The following DYTN variants were observed in gnomAD, a reference collection of about 807,000 sequenced individuals.
The protein encoded by DYTN is dystrotelin.
In DYTN, 75 loss-of-function variants were observed where a neutral mutation model predicts 69.6. That is an observed-to-expected ratio of 1.08 (90% CI 0.89 to 1.31). The LOEUF (loss-of-function observed/expected upper bound fraction) is 1.31. Among genes scored for constraint, DYTN ranks in the 50% most tolerant of loss-of-function variants. The pLI is 0.00. For missense variants in DYTN, 726 were observed against 688.4 expected (o/e 1.05, Z -0.61); for synonymous variants, 252 against 249.1 (o/e 1.01, Z -0.11).
At chr2:206,710,628 A>G in intron 1 of DYTN, 30 bp from the exon 2 acceptor site, 1 of 1,504,212 alleles carries the variant, frequency 6.6e-7, no homozygotes, top group Non-Finnish European at 9.1e-7. Flanking sequence ...TATTATGAAT[A>G]AAGTCTCTCT....
At chr2:206,673,446 C>T (rs1034999535) in intron 9 of DYTN, among the ~76,000 whole-genome samples, 87 of 152,128 alleles carry the variant, frequency 5.7e-4, no homozygotes, top group Non-Finnish European at 9.6e-4. Flanking sequence ...TTAGTAGAGA[C>T]GGGGTTTCAC....
chr2:206,662,845 T>A (rs1699527658), intron 11 of DYTN, 58 bp downstream of exon 11: 1 of 1,545,508 alleles, frequency 6.5e-7, no homozygotes, highest in African/African-American at 1.4e-5. Context: ...ATCAAGTTTT[T>A]AAAAAGGCAG....
At chr2:206,654,176 T>C (rs1407878358) in intron 11 of DYTN, among the ~76,000 whole-genome samples, 1 of 152,236 alleles carries the variant, frequency 6.6e-6, no homozygotes, top group Non-Finnish European at 1.5e-5. Context: ...TACTTCTGTG[T>C]ATATCTGTAT....
At chr2:206,669,084 C>A (rs913143427) in intron 9 of DYTN, among the ~76,000 whole-genome samples, 2 of 152,206 alleles carry the variant, frequency 1.3e-5, no homozygotes, top group Non-Finnish European at 2.9e-5. Flanking sequence ...ATAAATTTAC[C>A]TAGCACAGTG....
intron 9 of DYTN, among the ~76,000 whole-genome samples, chr2:206,669,309 C>T (rs1257007553): frequency 1.3e-5 from 2 of 152,180 alleles, no homozygotes; most frequent in Non-Finnish European, 2.9e-5. Context: ...TTAACTGCCT[C>T]ACTATTCCAG....
chr2:206,705,027 T>C, intron 4 of DYTN, 84 bp from the exon 5 acceptor site: 1 of 1,122,940 alleles, frequency 8.9e-7, no homozygotes, highest in South Asian at 1.4e-5. Flanking sequence ...AACAGTCTCT[T>C]TGTGGCTATG....
At chr2:206,658,823 T>C (rs1427503425) in intron 11 of DYTN, among the ~76,000 whole-genome samples, 1 of 152,192 alleles carries the variant, frequency 6.6e-6, no homozygotes, top group Non-Finnish European at 1.5e-5. Flanking sequence ...ATCATCACTC[T>C]ACTCCTCTGT....
At chr2:206,670,409 G>C (rs1699617800) in intron 9 of DYTN, 1 of 151,490 alleles carries the variant, frequency 6.6e-6, no homozygotes, top group Non-Finnish European at 1.5e-5. Context: ...AATTTTTGTA[G>C]AAAATTTTTC....
At chr2:206,672,533 C>T (rs1699641030) in intron 9 of DYTN, among the ~76,000 whole-genome samples, 1 of 152,214 alleles carries the variant, frequency 6.6e-6, no homozygotes, top group African/African-American at 2.4e-5. Context: ...TGAGGGGTGT[C>T]TCCTGGTGTC....
intron 1 of DYTN, 98 bp from the exon 2 acceptor site, chr2:206,710,696 AT>A: frequency 1.1e-6 from 1 of 949,432 alleles, no homozygotes. Context: ...AGCTTACTTT[AT>A]TTTGCAGGTG....
chr2:206,710,620 T>C lies in DYTN; in HGVS notation c.20-22A>G, dbSNP rs750053785. On this transcript the variant is annotated intron_variant, in intron 1 of 11. Coordinates refer to ENST00000452335, the MANE Select transcript of DYTN (RefSeq NM_001093730.1). ...GCATCTGTAAAGAAAACGTAAAATATTATGAATAAAGTCTCTCTCATTATA... is the reference window on the plus strand; with the variant it reads ...GCATCTGTAAAGAAAACGTAAAATACTATGAATAAAGTCTCTCTCATTATA... 7 of 1,547,348 alleles carry C rather than the reference T, an allele frequency of 4.5e-6. No individual in the cohort carries two copies. The East Asian group carries it at 1.6e-4, about 35-fold the overall frequency.
chr2:206,656,852 T>G (rs1699456146), intron 11 of DYTN, among the ~76,000 whole-genome samples: 1 of 151,376 alleles, frequency 6.6e-6, no homozygotes, highest in South Asian at 2.1e-4. Context: ...AACCTCTGCC[T>G]CCCGGGTTCA....
Position 206,718,392 on chromosome 2 carries a change from G to A in DYTN, c.-113C>T. Reference sequence around the variant, plus strand: ...AGGAATGAGGACAGGGGAACAAAAAGGCAACTAAACAAATCATTTTACCTG... The same window carrying A: ...AGGAATGAGGACAGGGGAACAAAAAAGCAACTAAACAAATCATTTTACCTG... On this transcript the variant is annotated 5_prime_UTR_variant, in exon 1 of 12. Coordinates refer to ENST00000452335, the MANE Select transcript of DYTN (RefSeq NM_001093730.1). 2 of 1,140,482 alleles carry A rather than the reference G, an allele frequency of 1.8e-6. No homozygotes were observed. The highest frequency in any genetic ancestry group is 2.5e-6 in the Non-Finnish European group (2 of 814,306). 70.6% of individuals were successfully genotyped at this position (1,140,482 alleles called of 1,614,324 possible).
chr2:206,709,061 T>C (rs760210143), intron 2 of DYTN, among the ~76,000 whole-genome samples: 2 of 152,202 alleles, frequency 1.3e-5, no homozygotes, highest in Non-Finnish European at 2.9e-5. Context: ...TAATAAATAA[T>C]AGTTATAAGT....
At chr2:206,668,077 T>C (rs1380594312) in intron 9 of DYTN, among the ~76,000 whole-genome samples, 1 of 152,202 alleles carries the variant, frequency 6.6e-6, no homozygotes, top group African/African-American at 2.4e-5. Context: ...TATATCTTTA[T>C]GATGGGTTTC....
chr2:206,669,481 T>A lies in DYTN; in HGVS notation c.981-3452A>T, dbSNP rs181238723. Among the ~76,000 whole-genome samples the A allele has an allele frequency of 1.5e-4, 23 of 152,236 alleles. 1 individual carries two copies. The highest frequency in any genetic ancestry group is 5.3e-4 in the African/African-American group (22 of 41,460). On this transcript the variant is annotated intron_variant, in intron 9 of 11. Coordinates refer to ENST00000452335, the MANE Select transcript of DYTN (RefSeq NM_001093730.1). ...GGAACAAAGATGGAGCTTCATGTTT[T>A]ATTTCATTCAATAATCAGCCTTACA...
At chr2:206,688,064 C>T (rs1312712569) in intron 9 of DYTN, among the ~76,000 whole-genome samples, 3 of 152,096 alleles carry the variant, frequency 2.0e-5, no homozygotes, top group Admixed American at 6.5e-5. Flanking sequence ...AATTTAAATA[C>T]AGTAGATTAT....
chr2:206,678,809 CT>C (rs2105893026), intron 9 of DYTN, among the ~76,000 whole-genome samples: 1 of 152,060 alleles, frequency 6.6e-6, no homozygotes, highest in East Asian at 1.9e-4. Context: ...TCTCTTTTGA[CT>C]TTTTGAAACT....
At chr2:206,707,545 G>A (rs1212089023) in intron 2 of DYTN, 42 bp from the exon 3 acceptor site, 1 of 1,544,750 alleles carries the variant, frequency 6.5e-7, no homozygotes, top group Non-Finnish European at 8.8e-7. Flanking sequence ...TTTTCTGATG[G>A]GAACAAAAGG....
Sources: gnomAD v4.1 joint callset for allele counts (sites outside exome capture counted in the v4.1 genomes callset) on GRCh38, gnomAD v4.1.1 for gene constraint, MANE v1.5 for transcripts, NCBI Gene and HGNC (gene_info 2026-07-23, HGNC 2026-07-21) for gene names.